The following FHOD3 variants were observed in gnomAD, a reference collection of about 807,000 sequenced individuals.
FHOD3 encodes formin homology 2 domain containing 3.
FHOD3 carries 90 observed loss-of-function variants against 173.0 expected under a neutral mutation model. The observed-to-expected ratio is 0.52, with a 90% CI of 0.44 to 0.62. The LOEUF (loss-of-function observed/expected upper bound fraction) is 0.62, where lower values mean the gene tolerates loss of function less well. Among genes scored for constraint, FHOD3 ranks in the 20% least tolerant of loss-of-function variants. FHOD3 has a pLI of 0.00. For synonymous variants in FHOD3, 828 were observed against 823.0 expected, an observed-to-expected ratio of 1.01 and a Z score of -0.10; for missense variants, 1,945 against 2,034.7, an observed-to-expected ratio of 0.96 and a Z score of 0.85.
chr18:36,471,379 A>G (rs1044325929), intron 3 of FHOD3, among the ~76,000 whole-genome samples: 2 of 151,890 alleles, frequency 1.3e-5, no homozygotes, highest in Admixed American at 6.6e-5. Flanking sequence ...CTGAGGCTAC[A>G]CCTCCTCCCA....
chr18:36,534,538 ACT>A (rs2056915774), intron 5 of FHOD3, among the ~76,000 whole-genome samples: 1 of 151,716 alleles, frequency 6.6e-6, no homozygotes, highest in African/African-American at 2.4e-5. Context: ...ATAGGGTCGC[ACT>A]CTGTCGCCCA....
intron 1 of FHOD3, among the ~76,000 whole-genome samples, chr18:36,347,604 A>G (rs972989371): frequency 1.3e-5 from 2 of 152,256 alleles, no homozygotes; most frequent in Non-Finnish European, 2.9e-5. Flanking sequence ...ATATTATTTC[A>G]TAACCCATAT....
chr18:36,566,491 G>A (rs781646321), intron 5 of FHOD3, among the ~76,000 whole-genome samples: 4 of 152,182 alleles, frequency 2.6e-5, no homozygotes, highest in African/African-American at 9.7e-5. Context: ...GATGGTCTGG[G>A]CAGGAAGCTG....
At chr18:36,468,064 T>C (rs888233842) in intron 3 of FHOD3, among the ~76,000 whole-genome samples, 9 of 152,152 alleles carry the variant, frequency 5.9e-5, no homozygotes, top group African/African-American at 2.2e-4. Context: ...TCCACTCTAT[T>C]GTGGCCTGAA....
chr18:36,337,143 G>C (rs1016096065), intron 1 of FHOD3, among the ~76,000 whole-genome samples: 7 of 148,754 alleles, frequency 4.7e-5, no homozygotes, highest in Non-Finnish European at 1.0e-4. Flanking sequence ...CTGCACTCCA[G>C]CCTGGGTGAA....
intron 10 of FHOD3, among the ~76,000 whole-genome samples, chr18:36,646,084 G>C (rs569242529): frequency 1.3e-5 from 2 of 152,078 alleles, no homozygotes; most frequent in African/African-American, 2.4e-5. Flanking sequence ...GCAAGGAAAA[G>C]GAAAGGCAGA....
At chr18:36,374,798 C>T (rs1041742715) in intron 3 of FHOD3, among the ~76,000 whole-genome samples, 3 of 152,150 alleles carry the variant, frequency 2.0e-5, no homozygotes, top group African/African-American at 4.8e-5. Context: ...TGTTTTGCCA[C>T]AATAGCTGCG....
intron 3 of FHOD3, among the ~76,000 whole-genome samples, chr18:36,407,823 C>T (rs114545381): frequency 3.0e-3 from 455 of 152,316 alleles, no homozygotes; most frequent in African/African-American, 0.01. Context: ...ACTTCTGTGC[C>T]TCAGTGTCCT....
At chr18:36,683,019 C>T (rs918403633) in intron 15 of FHOD3, among the ~76,000 whole-genome samples, 2 of 152,238 alleles carry the variant, frequency 1.3e-5, no homozygotes, top group African/African-American at 4.8e-5. Flanking sequence ...TGCTAATCCT[C>T]ATTTTTCTAA....
At chr18:36,327,900 T>C (rs932475418) in intron 1 of FHOD3, among the ~76,000 whole-genome samples, 1 of 152,230 alleles carries the variant, frequency 6.6e-6, no homozygotes, top group Admixed American at 6.5e-5. Flanking sequence ...CCAATGTGTA[T>C]GCCTGTGTTC....
chr18:36,428,814 T>C (rs2050387035), intron 3 of FHOD3, among the ~76,000 whole-genome samples: 1 of 152,330 alleles, frequency 6.6e-6, no homozygotes, highest in South Asian at 2.1e-4. Context: ...TTGGTCCCCT[T>C]AGGTCAGGTG....
intron 5 of FHOD3, among the ~76,000 whole-genome samples, chr18:36,516,733 G>A (rs1192301414): frequency 6.6e-6 from 1 of 152,156 alleles, no homozygotes; most frequent in African/African-American, 2.4e-5. Context: ...AACAGAGCAA[G>A]ACCCTGTTTT....
intron 3 of FHOD3, among the ~76,000 whole-genome samples, chr18:36,435,835 T>C (rs532441855): frequency 6.6e-6 from 1 of 152,308 alleles, no homozygotes; most frequent in Admixed American, 6.5e-5. Context: ...CTCTGAATGA[T>C]ATAAAACTGA....
At chr18:36,685,107 G>A (rs2038519300) in intron 15 of FHOD3, among the ~76,000 whole-genome samples, 1 of 152,210 alleles carries the variant, frequency 6.6e-6, no homozygotes, top group African/African-American at 2.4e-5. Context: ...ACCTGCCCAT[G>A]TGTTATAATA....
At chr18:36,470,220 C>A (rs892307466) in intron 3 of FHOD3, among the ~76,000 whole-genome samples, 4 of 152,164 alleles carry the variant, frequency 2.6e-5, no homozygotes, top group Admixed American at 6.5e-5. Context: ...ACTGAGCAGA[C>A]CCCCATCCGG....
chr18:36,718,570 A>T lies in FHOD3; in HGVS notation c.3272A>T (p.Asn1091Ile), dbSNP rs760831860. The T allele has an allele frequency of 1.2e-6, 2 of 1,614,196 alleles. No homozygotes were observed. The highest frequency in any genetic ancestry group is 2.2e-5 in the South Asian group (2 of 91,078). The part of the protein sequence containing the change: ...KKKKTIRLFW[N>I]EVRPFDWPCK... ...AAGAAGACCATCCGTTTGTTCTGGA[A>T]TGAAGTTCGGCCTTTTGACTGGCCA... Residue 1091 changes from asparagine to isoleucine, a missense_variant, in exon 19 of 29, where the codon AAT becomes ATT. Around this residue, in one of 5 missense-constraint regions of FHOD3, gnomAD observed 231 missense variants for 321.9 expected, o/e 0.72. Coordinates refer to ENST00000590592, the MANE Select transcript of FHOD3 (RefSeq NM_001281740.3).
At chr18:36,760,865 T>G (rs1600601741) in intron 27 of FHOD3, 83 bp downstream of exon 27, 5 of 1,412,026 alleles carry the variant, frequency 3.5e-6, no homozygotes, top group Non-Finnish European at 4.7e-6. Context: ...CAGGCTGCGG[T>G]CCACGGCTGT....
At chr18:36,400,429 G>A (rs913606585) in intron 3 of FHOD3, among the ~76,000 whole-genome samples, 7 of 152,132 alleles carry the variant, frequency 4.6e-5, no homozygotes, top group South Asian at 2.1e-4. Flanking sequence ...CTCTTTCCTG[G>A]AGACCTCTAG....
intron 14 of FHOD3, among the ~76,000 whole-genome samples, chr18:36,670,401 T>G (rs756637259): frequency 1.3e-5 from 2 of 152,182 alleles, no homozygotes; most frequent in African/African-American, 4.8e-5. Context: ...CAAAGTTCAC[T>G]GGTGGTCTGT....
Sources: gnomAD v4.1 joint callset for allele counts (sites outside exome capture counted in the v4.1 genomes callset) on GRCh38, gnomAD v4.1.1 for gene constraint, gnomAD v4.1.1 regional missense constraint, MANE v1.5 for transcripts, NCBI Gene and HGNC (gene_info 2026-07-23, HGNC 2026-07-21) for gene names.